The following ACYP2 variants were observed in gnomAD, a reference collection of about 807,000 sequenced individuals.
ACYP2 encodes the protein acylphosphatase 2.
ACYP2 carries 12 observed loss-of-function variants against 11.2 expected under a neutral mutation model. The observed-to-expected ratio is 1.08, with a 90% CI of 0.69 to 1.74. The LOEUF (loss-of-function observed/expected upper bound fraction) is 1.74, where lower values mean the gene tolerates loss of function less well. ACYP2 is among the 40% of genes most tolerant of loss of function. The pLI is 0.00. For missense variants in ACYP2, 134 were observed against 101.9 expected (o/e 1.31, Z -1.35); for synonymous variants, 43 against 32.2 (o/e 1.33, Z -1.13).
intron 1 of ACYP2, among the ~76,000 whole-genome samples, chr2:53,972,804 G>A (rs543794048): frequency 3.2e-4 from 48 of 152,324 alleles, no homozygotes; most frequent in African/African-American, 9.6e-4. Context: ...ACAAGACGAC[G>A]CTGGGTAGAT....
intron 6 of ACYP2, among the ~76,000 whole-genome samples, chr2:54,154,809 C>T (rs527356865): frequency 3.2e-4 from 49 of 152,322 alleles, no homozygotes; most frequent in African/African-American, 9.4e-4. Flanking sequence ...AAAAGTATTA[C>T]ATCCTCTTCG....
At chr2:54,244,708 A>T (rs1281401304) in intron 6 of ACYP2, among the ~76,000 whole-genome samples, 1 of 152,094 alleles carries the variant, frequency 6.6e-6, no homozygotes, top group Non-Finnish European at 1.5e-5. Context: ...TCTCTTTTAG[A>T]GATTTCTTTG....
chr2:54,080,155 A>C, intron 4 of ACYP2: 1 of 187,762 alleles, frequency 5.3e-6, no homozygotes, highest in Non-Finnish European at 1.2e-5. Flanking sequence ...TATTCTTTAG[A>C]AATGTCCCTA....
intron 4 of ACYP2, among the ~76,000 whole-genome samples, chr2:54,062,717 C>T (rs2103634145): frequency 1.3e-5 from 2 of 152,302 alleles, no homozygotes; most frequent in South Asian, 4.1e-4. Context: ...ATAGAATGAG[C>T]TCTCAACAAA....
Position 54,201,607 on chromosome 2 carries a change from T to C in ACYP2, c.404+62859T>C, listed in dbSNP as rs1451683882. On this transcript the variant is annotated intron_variant, in intron 6 of 6. Transcript: ENST00000607452. ...TTTTCTTTCTTTCTCTTTCTTTCTT[T>C]CTTTCTTTCTTTCTTTGTTTCTTTC... Among the ~76,000 whole-genome samples, 171 of 84,660 alleles carry C rather than the reference T, an allele frequency of 2.0e-3. 4 individuals carry two copies. The highest frequency in any genetic ancestry group is 7.5e-3 in the African/African-American group (156 of 20,850). The allele number at this position is 84,660 out of a possible 152,430, so 55.5% of individuals were successfully genotyped here.
At chr2:54,240,814 G>A (rs1242959658) in intron 6 of ACYP2, among the ~76,000 whole-genome samples, 1 of 152,164 alleles carries the variant, frequency 6.6e-6, no homozygotes, top group Non-Finnish European at 1.5e-5. Context: ...CCCAGACTAT[G>A]TTTTCCTTGC....
At chr2:54,048,268 T>TA (rs1215696349) in intron 2 of ACYP2, among the ~76,000 whole-genome samples, 3 of 151,164 alleles carry the variant, frequency 2.0e-5, no homozygotes, top group African/African-American at 7.3e-5. Flanking sequence ...CTACTGAAAA[T>TA]AAAAAAAAGT....
intron 6 of ACYP2, among the ~76,000 whole-genome samples, chr2:54,165,515 ACT>A (rs10575339): frequency 0.18 from 23,356 of 130,336 alleles, 1,913 homozygotes; most frequent in East Asian, 0.27. Context: ...TCTCTCTTTC[ACT>A]CTCTCTCTCT....
chr2:54,280,306 T>A (rs1159433477), intron 6 of ACYP2, among the ~76,000 whole-genome samples: 3 of 152,158 alleles, frequency 2.0e-5, no homozygotes, highest in Non-Finnish European at 4.4e-5. Flanking sequence ...AGTCTGTGAC[T>A]GCCCAGATTC....
At chr2:54,096,534 C>G (rs1235038335) in intron 4 of ACYP2, among the ~76,000 whole-genome samples, 1 of 152,162 alleles carries the variant, frequency 6.6e-6, no homozygotes, top group Non-Finnish European at 1.5e-5. Flanking sequence ...GCACTCCAGC[C>G]TGGGCACCAC....
chr2:54,000,777 G>A (rs1672761044), intron 2 of ACYP2, among the ~76,000 whole-genome samples: 1 of 152,096 alleles, frequency 6.6e-6, no homozygotes, highest in Non-Finnish European at 1.5e-5. Context: ...TTCCACTTAC[G>A]TCACTTCCAT....
intron 4 of ACYP2, 67 bp downstream of exon 1, chr2:54,115,823 G>A: frequency 6.1e-6 from 9 of 1,466,140 alleles, no homozygotes; most frequent in Middle Eastern, 1.8e-4. Context: ...GCTGTGAGAA[G>A]CGCCTCCCAC....
At chr2:54,018,270 G>A (rs1256090102) in intron 2 of ACYP2, among the ~76,000 whole-genome samples, 2 of 152,098 alleles carry the variant, frequency 1.3e-5, no homozygotes, top group African/African-American at 2.4e-5. Context: ...AGTGGGTGAG[G>A]CCCAAGAATT....
rs191960379 is a variant in ACYP2, at chr2:54,304,432, A to G, written c.405-256A>G. On this transcript the variant is annotated intron_variant, in intron 6 of 6. Transcript: ENST00000607452. ...AGTGTTTTAAGTTGGCGGGTGGGGG[A>G]GATAACCCTAATATAAAATCATCAG... 5.7e-3 allele frequency among the ~76,000 whole-genome samples: 861 copies of G among 152,082 alleles called. 12 individuals carry two copies. Among genetic ancestry groups the G allele is most frequent in the African/African-American group, 0.02 (810 of 41,480 alleles).
chr2:54,179,696 A>G (rs897228325), intron 6 of ACYP2, among the ~76,000 whole-genome samples: 5 of 152,172 alleles, frequency 3.3e-5, no homozygotes, highest in Non-Finnish European at 7.3e-5. Context: ...GGTCACTCTC[A>G]TCACCATCTT....
rs10207316 is a variant in ACYP2, at chr2:54,152,702, T to C, written c.404+13954T>C. On this transcript the variant is annotated intron_variant, in intron 6 of 6. Coordinates refer to ENST00000607452, the MANE Select transcript of ACYP2 (RefSeq NM_001320586.2). The stretch of plus-strand genomic sequence containing the variant: ...TTAGATACATGTCTTTAAGGTTCCT[T>C]CATGTATTTTTATGGCTTGACATTT... Among the ~76,000 whole-genome samples, 1,210 of 152,336 alleles carry C rather than the reference T, an allele frequency of 7.9e-3. 10 individuals are homozygous for C. Among genetic ancestry groups the C allele is most frequent in the African/African-American group, 0.028 (1,164 of 41,574 alleles).
intron 6 of ACYP2, among the ~76,000 whole-genome samples, chr2:54,240,773 T>C (rs1262383635): frequency 6.6e-6 from 1 of 152,198 alleles, no homozygotes; most frequent in Non-Finnish European, 1.5e-5. Context: ...TTGGGGCCTA[T>C]ATCTAGGGCA....
At chr2:54,129,930 T>A (rs1680800638) in intron 4 of ACYP2, among the ~76,000 whole-genome samples, 1 of 148,838 alleles carries the variant, frequency 6.7e-6, no homozygotes, top group African/African-American at 2.4e-5. Flanking sequence ...TAAAGATATA[T>A]AAAAATTTAT....
At chr2:54,139,157 T>C (rs11891079) in intron 6 of ACYP2, among the ~76,000 whole-genome samples, 34,203 of 152,066 alleles carry the variant, frequency 0.22, 4,737 homozygotes, top group African/African-American at 0.4. Flanking sequence ...CCTCTCCAAT[T>C]TGTATGTCCT....
Sources: gnomAD v4.1 joint callset for allele counts (sites outside exome capture counted in the v4.1 genomes callset) on GRCh38, gnomAD v4.1.1 for gene constraint, MANE v1.5 for transcripts, NCBI Gene and HGNC (gene_info 2026-07-23, HGNC 2026-07-21) for gene names.